The following ZMYM4 variants were observed in gnomAD, a reference collection of about 807,000 sequenced individuals.
ZMYM4 encodes zinc finger MYM-type protein 4.
In ZMYM4, 31 loss-of-function variants were observed where a neutral mutation model predicts 183.2. That is an observed-to-expected ratio of 0.17 (90% CI 0.13 to 0.23). The LOEUF is 0.23. ZMYM4 is among the 10% of genes least tolerant of loss of function. The pLI, the probability that ZMYM4 is intolerant of heterozygous loss-of-function variation, is 1.00. For missense variants in ZMYM4, 1,273 were observed against 1,840.3 expected, an observed-to-expected ratio of 0.69 and a Z score of 5.64; for synonymous variants, 592 against 631.2, an observed-to-expected ratio of 0.94 and a Z score of 0.93.
intron 1 of ZMYM4, among the ~76,000 whole-genome samples, chr1:35,289,544 T>C (rs1043130713): frequency 6.6e-6 from 1 of 152,220 alleles, no homozygotes; most frequent in Non-Finnish European, 1.5e-5. Context: ...TTACTTTAGA[T>C]CACTCCACTG....
At chr1:35,307,533 A>G (rs1427942429) in intron 1 of ZMYM4, among the ~76,000 whole-genome samples, 2 of 147,640 alleles carry the variant, frequency 1.4e-5, no homozygotes, top group East Asian at 2.0e-4. Context: ...TATTATTATT[A>G]TTATTATTAT....
chr1:35,399,645 G>T, intron 23 of ZMYM4, 69 bp downstream of exon 23: 1 of 1,546,502 alleles, frequency 6.5e-7, no homozygotes, highest in Non-Finnish European at 8.9e-7. Context: ...AGTTCCTGCT[G>T]CTTTCAAAAC....
intron 28 of ZMYM4, 139 bp downstream of exon 28, chr1:35,415,853 C>A: frequency 8.3e-7 from 1 of 1,204,026 alleles, no homozygotes; most frequent in Non-Finnish European, 1.1e-6. Context: ...TCTCTATTGT[C>A]AGAGAGTGGT....
chr1:35,366,267 A>G (rs1377630249), intron 5 of ZMYM4, among the ~76,000 whole-genome samples: 1 of 152,208 alleles, frequency 6.6e-6, no homozygotes, highest in Non-Finnish European at 1.5e-5. Context: ...ATTTCTTAGA[A>G]TAGATTTTTT....
intron 1 of ZMYM4, among the ~76,000 whole-genome samples, chr1:35,287,850 A>C (rs910965173): frequency 1.3e-5 from 2 of 151,996 alleles, no homozygotes; most frequent in Admixed American, 6.6e-5. Flanking sequence ...GCGGTCTACC[A>C]GCCTTGGCCT....
At chr1:35,352,265 GCGCGCACACACACA>G (rs1280168093) in intron 2 of ZMYM4, among the ~76,000 whole-genome samples, 3,705 of 85,456 alleles carry the variant, frequency 0.043, 191 homozygotes, top group East Asian at 0.16. Flanking sequence ...GCGCACGCGC[GCGCGCACACACACA>G]CACACACACA....
rs760635666 is a variant in ZMYM4 at position 35,385,614 on chromosome 1, A to G, written c.1720+22A>G. ...GCAGGTAATATTGGTTTCACAAACT[A>G]TGAAATGCAATGGTTGAAAAATAAT... On this transcript the variant is annotated intron_variant, in intron 10 of 29. Coordinates refer to ENST00000314607, the MANE Select transcript of ZMYM4 (RefSeq NM_005095.3). The G allele has an allele frequency of 4.5e-6, 7 of 1,565,096 alleles. No individual in the cohort carries two copies. In the South Asian group the frequency reaches 4.9e-5, roughly 11 times the overall value.
Position 35,389,153 on chromosome 1 carries a change from A to G in ZMYM4, c.2436+71A>G, listed in dbSNP as rs1052052754. 21 of 1,436,002 alleles carry G rather than the reference A, an allele frequency of 1.5e-5. No individual in the cohort carries two copies. The highest frequency in any genetic ancestry group is 9.4e-7 in the Non-Finnish European group (1 of 1,062,976). The allele number at this position is 1,436,002 out of a possible 1,614,324, so 89.0% of individuals were successfully genotyped here. A position where few individuals can be genotyped will look rare whatever the true frequency, so the allele number is the denominator to read the frequency against. ...TTATTCCCTTTTAAAATTTCATGTC[A>G]CATAAAGGACAATTTAATTATTTAA... On this transcript the variant is annotated intron_variant, in intron 14 of 29. Transcript: ENST00000314607. This position sits in a 1 kb window ranked among gnomAD's most constrained non-coding sequence, Gnocchi z 4.0.
At chr1:35,292,032 G>A (rs1640787338) in intron 1 of ZMYM4, among the ~76,000 whole-genome samples, 1 of 152,154 alleles carries the variant, frequency 6.6e-6, no homozygotes, top group African/African-American at 2.4e-5. Context: ...CTATTCTAAA[G>A]TTAGTTGGGA....
intron 1 of ZMYM4, among the ~76,000 whole-genome samples, chr1:35,316,829 C>CT (rs1642065145): frequency 6.6e-6 from 1 of 152,130 alleles, no homozygotes. Context: ...ACAGTATGAA[C>CT]TATATTGAAA....
At chr1:35,272,843 G>C (rs1221748395) in intron 1 of ZMYM4, among the ~76,000 whole-genome samples, 2 of 152,046 alleles carry the variant, frequency 1.3e-5, no homozygotes, top group Admixed American at 6.6e-5. Flanking sequence ...CGAGTAGCTG[G>C]GACTACAGGC....
chr1:35,332,851 C>T (rs974615065), intron 2 of ZMYM4, among the ~76,000 whole-genome samples: 1 of 152,118 alleles, frequency 6.6e-6, no homozygotes, highest in Non-Finnish European at 1.5e-5. Context: ...TGCACCTCTG[C>T]ACTTGCCTGA....
chr1:35,345,847 C>G (rs1164599634), intron 2 of ZMYM4, among the ~76,000 whole-genome samples: 3 of 152,206 alleles, frequency 2.0e-5, no homozygotes, highest in African/African-American at 7.2e-5. Context: ...GTGTACAGTT[C>G]AGTAGCATTA....
intron 2 of ZMYM4, among the ~76,000 whole-genome samples, chr1:35,336,789 C>T (rs991679966): frequency 6.6e-6 from 1 of 152,162 alleles, no homozygotes. Flanking sequence ...CCACCCAAAT[C>T]TCATCTTGAA....
At position 35,414,022 on chromosome 1, in the gene ZMYM4, C is replaced by A; in HGVS notation, c.3999C>A (p.Ser1333=). ...RIDNIFTEPY[S]RFMIELTKLL... is the part of the protein sequence containing the mutation. The stretch of plus-strand genomic sequence containing the variant: ...ATAACATTTTTACTGAGCCCTATTC[C>A]AGATTTATGATTGAACTTACCAAAC... The change falls in exon 27 of 30, where the codon TCC becomes TCA. Residue 1333 remains serine, a synonymous_variant. Coordinates refer to ENST00000314607, the MANE Select transcript of ZMYM4 (RefSeq NM_005095.3). 1 of 1,594,122 alleles carries A rather than the reference C, an allele frequency of 6.3e-7. No individual in the cohort carries two copies.
At chr1:35,387,300 A>G in intron 12 of ZMYM4, 22 bp downstream of exon 12, 1 of 1,608,350 alleles carries the variant, frequency 6.2e-7, no homozygotes, top group Middle Eastern at 1.7e-4. Flanking sequence ...CATGTTCATG[A>G]TAAGATTTTG....
intron 1 of ZMYM4, among the ~76,000 whole-genome samples, chr1:35,313,057 C>T (rs2148788421): frequency 6.6e-6 from 1 of 152,188 alleles, no homozygotes; most frequent in East Asian, 1.9e-4. Flanking sequence ...CCACAGCTGG[C>T]TAATTTTTGT....
Position 35,353,246 on chromosome 1 carries a change from T to C in ZMYM4, c.86-5679T>C, listed in dbSNP as rs376805289. 3.5e-3 allele frequency among the ~76,000 whole-genome samples: 527 copies of C among 152,382 alleles called. 2 individuals are homozygous for C. Among genetic ancestry groups the C allele is most frequent in the Non-Finnish European group, 4.8e-3 (327 of 68,030 alleles). The stretch of plus-strand genomic sequence containing the variant: ...TAACTACCAGTTTTTCCTTGGGTTA[T>C]TGTAGCTTCCTAAGTGGTCCTAAGT... On this transcript the variant is annotated intron_variant, in intron 2 of 29. Transcript: ENST00000314607.
At chr1:35,373,544 ATTTTTTTT>A (rs202022428) in intron 7 of ZMYM4, among the ~76,000 whole-genome samples, 8 of 122,816 alleles carry the variant, frequency 6.5e-5, no homozygotes, top group East Asian at 4.9e-4. Flanking sequence ...TGCACAGCTA[ATTTTTTTT>A]TTTTTTTTTT....
Sources: allele counts gnomAD v4.1 joint callset (sites outside exome capture counted in the v4.1 genomes callset), GRCh38; gene constraint gnomAD v4.1.1; non-coding constraint Gnocchi (gnomAD v3.1); transcripts MANE v1.5; gene names NCBI Gene and HGNC (gene_info 2026-07-23, HGNC 2026-07-21).